FAXC: variants seen among roughly 807,000 people sequenced by gnomAD.
FAXC encodes the protein failed axon connections homolog.
FAXC carries 10 observed loss-of-function variants against 41.9 expected under a neutral mutation model. The ratio of observed to expected loss-of-function variants is 0.24; its 90% CI spans 0.15 to 0.41. The LOEUF is 0.41. Among genes scored for constraint, FAXC ranks in the 10% least tolerant of loss-of-function variants. The probability of loss-of-function intolerance (pLI) is 1.00; values close to 1 mark genes in which losing one functional copy is unlikely to be tolerated. For synonymous variants in FAXC, 183 were observed against 183.8 expected (o/e 1.00, Z 0.03); for missense variants, 399 against 510.9 (o/e 0.78, Z 2.11).
In FAXC at chr6:99,339,110, C is replaced by T. The variant is rs552452009; in HGVS notation, c.402+3788G>A. On this transcript the variant is annotated intron_variant, in intron 2 of 5. Transcript: ENST00000389677. ...CAGAAGCTATCTCAAAAAGCACAGG[C>T]TATGGGGAGTCAGGAGCTGGAGGAG... 2.6e-5 allele frequency among the ~76,000 whole-genome samples: 4 copies of T among 152,356 alleles called. No individual in the cohort carries two copies. In the East Asian group the frequency reaches 5.8e-4, roughly 22 times the overall value.
chr6:99,328,260 G>C (rs997978661), intron 3 of FAXC, among the ~76,000 whole-genome samples: 9 of 152,200 alleles, frequency 5.9e-5, no homozygotes, highest in African/African-American at 2.2e-4. Context: ...CAGTGTGTTG[G>C]TATGTGGAGG....
intron 4 of FAXC, among the ~76,000 whole-genome samples, chr6:99,308,258 T>C (rs1420958123): frequency 6.6e-6 from 1 of 152,178 alleles, no homozygotes; most frequent in Non-Finnish European, 1.5e-5. Flanking sequence ...GGTTGTGCCA[T>C]TGCACTCCAG....
intron 3 of FAXC, among the ~76,000 whole-genome samples, chr6:99,325,979 C>T (rs570045898): frequency 4.2e-4 from 64 of 152,264 alleles, no homozygotes; most frequent in African/African-American, 1.2e-3. Context: ...TGAAGGTGTA[C>T]GCATGAAGAG....
intron 4 of FAXC, among the ~76,000 whole-genome samples, chr6:99,320,394 C>A (rs631986): frequency 0.88 from 133,227 of 152,254 alleles, 58,789 homozygotes; most frequent in East Asian, 1. Context: ...AAAATTAGCT[C>A]ATTTTGTTTA....
intron 4 of FAXC, among the ~76,000 whole-genome samples, chr6:99,316,789 A>G (rs1444458420): frequency 6.6e-6 from 1 of 152,214 alleles, no homozygotes; most frequent in African/African-American, 2.4e-5. Flanking sequence ...CTAAGTGATC[A>G]CCCAAATAGC....
intron 2 of FAXC, among the ~76,000 whole-genome samples, chr6:99,336,144 G>A (rs1258451913): frequency 6.6e-6 from 1 of 152,002 alleles, no homozygotes; most frequent in African/African-American, 2.4e-5. Context: ...TCAAACTCCT[G>A]GGCTCAAGCA....
chr6:99,333,342 G>A lies in FAXC; in HGVS notation c.599+9C>T, dbSNP rs11757364. The A allele has an allele frequency of 0.41, 656,743 of 1,597,480 alleles. 139,414 individuals carry two copies. Among genetic ancestry groups the A allele is most frequent in the Middle Eastern group, 0.45 (2,660 of 5,878 alleles). On this transcript the variant is annotated intron_variant, in intron 3 of 5. Transcript: ENST00000389677. ...TCGAAAGGACGGGGACACCCCAGAG[G>A]GGACTCACCAGTAGAAGTGCTCCTC...
At position 99,273,322 on chromosome 6, in the gene FAXC, A is replaced by G. The variant is rs903673006; in HGVS notation, c.*7842T>C. The G allele has an allele frequency of 2.0e-4, 31 of 152,090 alleles. No individual in the cohort carries two copies. The highest frequency in any genetic ancestry group is 7.2e-4 in the African/African-American group (30 of 41,404). The allele number at this position is 152,090 out of a possible 1,614,324, so 9.4% of individuals were successfully genotyped here. On this transcript the variant is annotated 3_prime_UTR_variant, in exon 6 of 6. Transcript: ENST00000389677. ...ACATCTTCCACACATTTGAAGACAC[A>G]AGATTATAAACAAATAGAAAAAAAG...
At chr6:99,282,699 A>C (rs1428557857) in intron 5 of FAXC, among the ~76,000 whole-genome samples, 2 of 152,176 alleles carry the variant, frequency 1.3e-5, no homozygotes, top group Non-Finnish European at 2.9e-5. Flanking sequence ...ATTTGCTACT[A>C]TCTCTTATAG....
rs903318104 is a variant in FAXC, at chr6:99,335,581, C to T, written c.403-2034G>A. 5.3e-5 allele frequency among the ~76,000 whole-genome samples: 8 copies of T among 152,342 alleles called. No individual in the cohort carries two copies. The South Asian group carries it at 6.2e-4, about 12-fold the overall frequency. On this transcript the variant is annotated intron_variant, in intron 2 of 5. Transcript: ENST00000389677. ...ATCAGTTTAAGACTGTGAGGCCCTG[C>T]TCCAGCCAATGGATGCAGGACACAG...
At chr6:99,299,881 GT>G (rs780169006) in intron 4 of FAXC, among the ~76,000 whole-genome samples, 1 of 152,056 alleles carries the variant, frequency 6.6e-6, no homozygotes, top group Non-Finnish European at 1.5e-5. Flanking sequence ...TATATAGATT[GT>G]GATTAGCTCA....
intron 4 of FAXC, among the ~76,000 whole-genome samples, chr6:99,316,318 T>G (rs947181663): frequency 6.6e-6 from 1 of 152,116 alleles, no homozygotes; most frequent in African/African-American, 2.4e-5. Flanking sequence ...CAGAAAGGGT[T>G]TGACAACAAC....
chr6:99,304,484 G>A (rs977398433), intron 4 of FAXC, among the ~76,000 whole-genome samples: 2 of 151,910 alleles, frequency 1.3e-5, no homozygotes, highest in Non-Finnish European at 2.9e-5. Context: ...TTTTACCTTG[G>A]TTGCCAAAAG....
rs1019772387 is a variant in FAXC, at chr6:99,275,147, CAAAT to C, written c.*6013_*6016del. On this transcript the variant is annotated 3_prime_UTR_variant, in exon 6 of 6. Coordinates refer to ENST00000389677, the MANE Select transcript of FAXC (RefSeq NM_032511.4). ...TCTATTCCAGAGCCACAAATAAAAA[CAAAT>C]AAATAAAAATAAATGCATGCCAATG... 11 of 151,942 alleles carry C rather than the reference CAAAT, an allele frequency of 7.2e-5. No homozygotes were observed. The highest frequency in any genetic ancestry group is 2.2e-4 in the African/African-American group (9 of 41,390). The allele number at this position is 151,942 out of a possible 1,614,324, so 9.4% of individuals were successfully genotyped here.
Position 99,333,383 on chromosome 6 carries a change from C to T in FAXC, c.567G>A (p.Ala189=), listed in dbSNP as rs543131480. 18 of 1,613,686 alleles carry T rather than the reference C, an allele frequency of 1.1e-5. No individual in the cohort carries two copies. Among genetic ancestry groups the T allele is most frequent in the Admixed American group, 1.0e-4 (6 of 59,938 alleles). ...LGPHERAISR[A]VTKMVEEHFY... is the part of the protein sequence containing the mutation. The stretch of plus-strand genomic sequence containing the variant: ...AGTGCTCCTCCACCATCTTGGTCAC[C>T]GCTCTGGAGATGGCTCTTTCATGAG... The change falls in exon 3 of 6, where the codon GCG becomes GCA. Residue 189 remains alanine, a synonymous_variant. Transcript: ENST00000389677.
Position 99,317,656 on chromosome 6 carries a change from C to T in FAXC, c.823+5788G>A, listed in dbSNP as rs76485382. Among the ~76,000 whole-genome samples, 47 of 152,256 alleles carry T rather than the reference C, an allele frequency of 3.1e-4. 1 individual carries two copies. In the East Asian group the frequency reaches 8.1e-3, roughly 26 times the overall value. On this transcript the variant is annotated intron_variant, in intron 4 of 5. Transcript: ENST00000389677. The stretch of plus-strand genomic sequence containing the variant: ...CAAGTCATTCAACCTTTCTGTGCCT[C>T]GTTTTTCTTATCTGTCAAATGGGTG...
chr6:99,333,285 T>C, intron 3 of FAXC, 66 bp downstream of exon 3: 1 of 1,343,456 alleles, frequency 7.4e-7, no homozygotes. Flanking sequence ...GGAAAGAGGA[T>C]CTGAAAAGTG....
chr6:99,321,242 C>T (rs557009935), intron 4 of FAXC, among the ~76,000 whole-genome samples: 1 of 152,286 alleles, frequency 6.6e-6, no homozygotes, highest in East Asian at 1.9e-4. Context: ...TGACCAGGAA[C>T]ATTGATAACT....
chr6:99,338,398 T>C (rs1230509782), intron 2 of FAXC, among the ~76,000 whole-genome samples: 2 of 152,172 alleles, frequency 1.3e-5, no homozygotes, highest in Non-Finnish European at 2.9e-5. Flanking sequence ...AAGGCAGATA[T>C]GCTGCAGGTA....
Sources: allele counts gnomAD v4.1 joint callset (sites outside exome capture counted in the v4.1 genomes callset), GRCh38; gene constraint gnomAD v4.1.1; transcripts MANE v1.5; gene names NCBI Gene and HGNC (gene_info 2026-07-23, HGNC 2026-07-21).